The following PRELID2 variants were observed in gnomAD, a reference collection of about 807,000 sequenced individuals.
PRELID2 encodes the protein PRELI domain containing 2.
In PRELID2, 25 loss-of-function variants were observed where a neutral mutation model predicts 28.4. The observed-to-expected ratio is 0.88, with a 90% CI of 0.64 to 1.23. PRELID2 has a LOEUF of 1.23. Among genes scored for constraint, PRELID2 ranks in the 50% most tolerant of loss-of-function variants. The probability of loss-of-function intolerance (pLI) is 0.00; values close to 1 mark genes in which losing one functional copy is unlikely to be tolerated. For missense variants in PRELID2, 201 were observed against 214.4 expected, an observed-to-expected ratio of 0.94 and a Z score of 0.39; for synonymous variants, 76 against 71.6, an observed-to-expected ratio of 1.06 and a Z score of -0.31.
the PRELID2 span, among the ~76,000 whole-genome samples, chr5:145,255,451 G>C: frequency 6.6e-6 from 1 of 151,914 alleles, no homozygotes; most frequent in African/African-American, 2.4e-5. Context: ...TAACAGAGGG[G>C]AAATGATCAG....
chr5:145,638,740 T>C, intron 1 of PRELID2, among the ~76,000 whole-genome samples: 1 of 152,250 alleles, frequency 6.6e-6, no homozygotes, highest in South Asian at 2.1e-4. Context: ...ATATTTTATG[T>C]CTTATCATGA....
intron 1 of PRELID2, among the ~76,000 whole-genome samples, chr5:145,561,536 AG>A (rs1186921192): frequency 6.6e-6 from 1 of 152,192 alleles, no homozygotes; most frequent in African/African-American, 2.4e-5. Flanking sequence ...TAACAGTACT[AG>A]GTGCCAGTTT....
the PRELID2 span, among the ~76,000 whole-genome samples, chr5:145,253,898 A>G: frequency 2.6e-5 from 4 of 152,136 alleles, no homozygotes; most frequent in Admixed American, 2.6e-4. Context: ...ACTTTTATTT[A>G]GTGTTTGTAT....
At chr5:145,288,179 G>A in the PRELID2 span, among the ~76,000 whole-genome samples, 1 of 152,112 alleles carries the variant, frequency 6.6e-6, no homozygotes, top group Admixed American at 6.6e-5. Context: ...TCTTTGGAAG[G>A]AAGTTACTAT....
chr5:145,236,646 T>C, the PRELID2 span, among the ~76,000 whole-genome samples: 15 of 152,272 alleles, frequency 9.9e-5, no homozygotes, highest in East Asian at 3.9e-4. Flanking sequence ...CAGAGATGTC[T>C]GCATAGTTGA....
At chr5:145,558,492 T>G (rs73309608) in intron 1 of PRELID2, among the ~76,000 whole-genome samples, 1,719 of 152,310 alleles carry the variant, frequency 0.011, 41 homozygotes, top group African/African-American at 0.04. Flanking sequence ...TAGTTACAAT[T>G]TGCCCTAAGA....
chr5:145,570,695 ACTAT>A (rs1474920514), intron 1 of PRELID2, among the ~76,000 whole-genome samples: 5 of 152,140 alleles, frequency 3.3e-5, no homozygotes, highest in African/African-American at 1.2e-4. Context: ...TCCAGCTATC[ACTAT>A]CTGTTTCATG....
intron 1 of PRELID2, among the ~76,000 whole-genome samples, chr5:145,707,300 G>A (rs893979758): frequency 1.3e-5 from 2 of 152,128 alleles, no homozygotes; most frequent in Admixed American, 1.3e-4. Context: ...TCTCCCTCTT[G>A]ATTTTGTGTC....
chr5:145,785,950 G>A (rs1751965479), intron 5 of PRELID2, among the ~76,000 whole-genome samples: 1 of 152,188 alleles, frequency 6.6e-6, no homozygotes, highest in African/African-American at 2.4e-5. Context: ...TGTCTGCTGT[G>A]CCTTCAGTGA....
intron 1 of PRELID2, among the ~76,000 whole-genome samples, chr5:145,545,876 T>C (rs919312415): frequency 1.3e-5 from 2 of 152,164 alleles, no homozygotes; most frequent in Non-Finnish European, 2.9e-5. Flanking sequence ...GTTTTCCTTT[T>C]CCTTAAAGTT....
chr5:145,435,362 G>A, the PRELID2 span, among the ~76,000 whole-genome samples: 6 of 152,082 alleles, frequency 3.9e-5, no homozygotes, highest in African/African-American at 1.4e-4. Context: ...CAAACAGTGG[G>A]AGGAGTGAGT....
At chr5:145,361,307 A>C in the PRELID2 span, among the ~76,000 whole-genome samples, 1 of 152,186 alleles carries the variant, frequency 6.6e-6, no homozygotes, top group Non-Finnish European at 1.5e-5. Context: ...AACCTTGCTA[A>C]GTGCTTTCTA....
chr5:145,510,207 G>C (rs146581638), intron 1 of PRELID2, among the ~76,000 whole-genome samples: 3 of 152,242 alleles, frequency 2.0e-5, no homozygotes, highest in African/African-American at 7.2e-5. Context: ...CTGTTGACAC[G>C]TGTTCACCTA....
the PRELID2 span, among the ~76,000 whole-genome samples, chr5:145,356,688 G>A: frequency 6.6e-6 from 1 of 152,206 alleles, no homozygotes; most frequent in Admixed American, 6.5e-5. Context: ...ATACGCTGTA[G>A]ACAGCATACA....
At chr5:145,353,893 T>C in the PRELID2 span, among the ~76,000 whole-genome samples, 654 of 152,280 alleles carry the variant, frequency 4.3e-3, 2 homozygotes, top group African/African-American at 0.015. Context: ...TCCAACTTTC[T>C]AGATTTTTCA....
the PRELID2 span, among the ~76,000 whole-genome samples, chr5:145,265,080 T>C: frequency 2.7e-3 from 409 of 150,992 alleles, 3 homozygotes; most frequent in African/African-American, 9.7e-3. Flanking sequence ...AAAAAGCTCC[T>C]AGAACTGGTA....
At chr5:145,305,353 A>C in the PRELID2 span, among the ~76,000 whole-genome samples, 1 of 152,194 alleles carries the variant, frequency 6.6e-6, no homozygotes, top group African/African-American at 2.4e-5. Flanking sequence ...AGTAGAAATT[A>C]AGATTCTGCT....
the PRELID2 span, among the ~76,000 whole-genome samples, chr5:145,436,399 A>C: frequency 3.3e-5 from 5 of 152,154 alleles, no homozygotes; most frequent in African/African-American, 1.2e-4. Flanking sequence ...GAACATATGC[A>C]TGCATATGTC....
At chr5:145,327,431 A>G in the PRELID2 span, among the ~76,000 whole-genome samples, 1 of 151,982 alleles carries the variant, frequency 6.6e-6, no homozygotes, top group Non-Finnish European at 1.5e-5. Flanking sequence ...AATTAAAGCC[A>G]CTTCTGCTCC....
Sources: allele counts gnomAD v4.1 joint callset (sites outside exome capture counted in the v4.1 genomes callset), GRCh38; gene constraint gnomAD v4.1.1; transcripts MANE v1.5; gene names NCBI Gene and HGNC (gene_info 2026-07-23, HGNC 2026-07-21).